PABPC1L: variants seen among roughly 807,000 people sequenced by gnomAD.
The protein encoded by PABPC1L is polyadenylate-binding protein 1-like.
Under a neutral mutation model 66.6 loss-of-function variants are expected in PABPC1L, and 31 were observed. The observed-to-expected ratio is 0.47, with a 90% confidence interval of 0.35 to 0.63. PABPC1L has a LOEUF of 0.63. PABPC1L is among the 20% of genes least tolerant of loss of function. The pLI is 0.00. For synonymous variants in PABPC1L, 348 were observed against 335.1 expected (o/e 1.04, Z -0.42); for missense variants, 722 against 848.8 (o/e 0.85, Z 1.86).
Position 44,937,176 on chromosome 20 carries a change from A to G in PABPC1L, c.1660+446A>G. The G allele has an allele frequency of 1.1e-5, 4 of 355,768 alleles. No homozygotes were observed. In the East Asian group the frequency reaches 2.2e-4, roughly 20 times the overall value. 22.0% of individuals were successfully genotyped at this position (355,768 alleles called of 1,614,324 possible). Reference sequence around the variant, plus strand: ...GGGCATCTGTGCGTTTGGTAAATACATGATGTTTCCCATAGATTCTGGATT... The same window carrying G: ...GGGCATCTGTGCGTTTGGTAAATACGTGATGTTTCCCATAGATTCTGGATT... On this transcript the variant is annotated intron_variant, in intron 12 of 14. Coordinates refer to ENST00000217073, the MANE Select transcript of PABPC1L (RefSeq NM_001372179.1).
rs11540856 is a variant in PABPC1L at position 44,939,164 on chromosome 20, G to C, written c.*45G>C. 771 of 718,086 alleles carry C rather than the reference G, an allele frequency of 1.1e-3. 12 individuals carry two copies. In the East Asian group the frequency reaches 0.015, roughly 14 times the overall value. The allele number at this position is 718,086 out of a possible 1,614,324, so 44.5% of individuals were successfully genotyped here. ...CGCTTCCATGGCTGCCAAAAGGACAGTGTTTCTGGCTCTCAGCCCTAAGGC... is the reference window on the plus strand; with the variant it reads ...CGCTTCCATGGCTGCCAAAAGGACACTGTTTCTGGCTCTCAGCCCTAAGGC... On this transcript the variant is annotated 3_prime_UTR_variant, in exon 15 of 15. Coordinates refer to ENST00000217073, the MANE Select transcript of PABPC1L (RefSeq NM_001372179.1).
intron 3 of PABPC1L, among the ~76,000 whole-genome samples, chr20:44,918,418 C>T (rs1415276812): frequency 1.3e-5 from 2 of 152,190 alleles, no homozygotes; most frequent in Non-Finnish European, 2.9e-5. Flanking sequence ...TTGACTGCGT[C>T]TAATTCACTT....
At position 44,935,778 on chromosome 20, in the gene PABPC1L, T is replaced by C. The variant is rs191426290; in HGVS notation, c.1566+281T>C. ...ACCAAGGAAAGGTATTCTAAGAATA[T>C]GCTGATTATTGAAGGGATGTACTTA... On this transcript the variant is annotated intron_variant, in intron 11 of 14. Transcript: ENST00000217073. 4.6e-5 allele frequency among the ~76,000 whole-genome samples: 7 copies of C among 152,336 alleles called. No individual in the cohort carries two copies. In the East Asian group the frequency reaches 1.3e-3, roughly 29 times the overall value.
At chr20:44,918,308 C>T (rs912199457) in intron 3 of PABPC1L, among the ~76,000 whole-genome samples, 2 of 152,066 alleles carry the variant, frequency 1.3e-5, no homozygotes, top group African/African-American at 2.4e-5. Context: ...CCAGCCTGGG[C>T]GATAGAGCGA....
At chr20:44,917,909 G>A (rs549532945) in intron 3 of PABPC1L, among the ~76,000 whole-genome samples, 1 of 152,102 alleles carries the variant, frequency 6.6e-6, no homozygotes, top group Non-Finnish European at 1.5e-5. Context: ...TTCAAATTTT[G>A]GTGCCTGGTA....
intron 5 of PABPC1L, 73 bp from the exon 6 acceptor site, chr20:44,921,521 G>T: frequency 6.3e-7 from 1 of 1,575,070 alleles, no homozygotes; most frequent in East Asian, 2.3e-5. Context: ...GGCCCCTCTA[G>T]ATCCAGAAGA....
intron 12 of PABPC1L, 35 bp from the exon 13 acceptor site, chr20:44,938,026 G>GC: frequency 6.2e-7 from 1 of 1,613,718 alleles, no homozygotes. Context: ...TGTGAGCTAG[G>GC]CCGTGCACAA....
intron 2 of PABPC1L, among the ~76,000 whole-genome samples, chr20:44,915,215 T>C (rs1045359591): frequency 2.0e-5 from 3 of 152,198 alleles, no homozygotes; most frequent in African/African-American, 7.2e-5. Flanking sequence ...TGAAGGGATG[T>C]GGTCAGAATT....
rs1247776627 is a variant in PABPC1L, at chr20:44,910,278, T to G, written c.135T>G (p.Asp45Glu). ...GPILSIRVCR[D>E]VATRRSLGYA... ...TCCTGTCCATCCGCGTGTGCCGCGA[T>G]GTAGCCACCCGGCGCTCGCTGGGCT... Residue 45 changes from aspartate (D) to glutamate (E), a missense_variant, in exon 1 of 15, where the codon GAT (aspartate) becomes GAG (glutamate). Asp to Glu is a conservative substitution (Grantham distance 45). Around this residue, in one of 3 missense-constraint regions of PABPC1L, gnomAD observed 284 missense variants for 294.8 expected, o/e 0.96. Coordinates refer to ENST00000217073, the MANE Select transcript of PABPC1L (RefSeq NM_001372179.1). 7.1e-6 allele frequency: 11 copies of G among 1,552,394 alleles called. No individual in the cohort carries two copies. Among genetic ancestry groups the G allele is most frequent in the Middle Eastern group, 1.7e-4 (1 of 5,964 alleles).
intron 10 of PABPC1L, 52 bp downstream of exon 10, chr20:44,933,237 G>C: frequency 6.8e-7 from 1 of 1,475,504 alleles, no homozygotes; most frequent in East Asian, 2.4e-5. Flanking sequence ...GTTGGCACTA[G>C]GAGTCAGGAC....
In PABPC1L at chr20:44,910,226, A is replaced by G. The variant is rs776758520; in HGVS notation, c.83A>G (p.Tyr28Cys). 2.5e-6 allele frequency: 4 copies of G among 1,576,524 alleles called. No individual in the cohort carries two copies. Among genetic ancestry groups the G allele is most frequent in the Non-Finnish European group, 2.6e-6 (3 of 1,161,300 alleles). ...CCCGACGTGACCGAGGCCATGCTCT[A>G]TGAGAAGTTCTCTCCCGCCGGCCCC... ...LHPDVTEAML[Y>C]EKFSPAGPIL... The change falls in exon 1 of 15, where the codon TAT becomes TGT. Residue 28 changes from tyrosine (Y) to cysteine (C), a missense_variant. Tyr to Cys is a radical substitution (Grantham distance 194). Transcript: ENST00000217073.
chr20:44,924,121 G>A, intron 6 of PABPC1L, 40 bp from the exon 7 acceptor site: 1 of 1,534,766 alleles, frequency 6.5e-7, no homozygotes. Context: ...TTGGGGCTTG[G>A]AGGAGAAGGG....
At chr20:44,921,539 G>A in intron 5 of PABPC1L, 55 bp from the exon 6 acceptor site, 1 of 1,594,130 alleles carries the variant, frequency 6.3e-7, no homozygotes, top group African/African-American at 1.3e-5. Context: ...AGATGAGCCT[G>A]GGCCAGGGCC....
intron 7 of PABPC1L, among the ~76,000 whole-genome samples, chr20:44,925,410 G>A (rs1397295253): frequency 1.3e-5 from 2 of 152,182 alleles, no homozygotes; most frequent in East Asian, 1.9e-4. Flanking sequence ...TATAAGATGG[G>A]GGACAGTATG....
Position 44,910,063 on chromosome 20 carries a change from G to A in PABPC1L, c.-81G>A, listed in dbSNP as rs2066691532. 7.9e-7 allele frequency: 1 copy of A among 1,271,898 alleles called. No individual in the cohort carries two copies. Among genetic ancestry groups the A allele is most frequent in the Non-Finnish European group, 1.1e-6 (1 of 936,788 alleles). The allele number at this position is 1,271,898 out of a possible 1,614,324, so 78.8% of individuals were successfully genotyped here. A position where few individuals can be genotyped will look rare whatever the true frequency, so the allele number is the denominator to read the frequency against. ...AAGGGGCGGGCCCGCGCCCAGGAAG[G>A]AGGGCTTCCGCCCGGGTGAGCGCGG... On this transcript the variant is annotated 5_prime_UTR_variant, in exon 1 of 15. Coordinates refer to ENST00000217073, the MANE Select transcript of PABPC1L (RefSeq NM_001372179.1).
At chr20:44,912,990 G>C in intron 2 of PABPC1L, 137 bp downstream of exon 2, 1 of 715,946 alleles carries the variant, frequency 1.4e-6, no homozygotes, top group East Asian at 2.7e-5. Context: ...GCACCTGAAT[G>C]ACAGCCGTTC....
intron 5 of PABPC1L, 26 bp downstream of exon 5, chr20:44,919,303 C>T: frequency 6.2e-7 from 1 of 1,611,702 alleles, no homozygotes; most frequent in Non-Finnish European, 8.5e-7. Flanking sequence ...TGGCTCTGTT[C>T]TGCAGCAGGG....
chr20:44,925,198 G>A (rs546886834), intron 7 of PABPC1L, among the ~76,000 whole-genome samples: 15 of 130,836 alleles, frequency 1.1e-4, no homozygotes, highest in East Asian at 2.6e-4. Flanking sequence ...GGGCAACAGC[G>A]AGACTCTGTC....
chr20:44,931,225 G>A (rs1221931226), intron 8 of PABPC1L, among the ~76,000 whole-genome samples: 2 of 151,314 alleles, frequency 1.3e-5, no homozygotes, highest in East Asian at 3.9e-4. Flanking sequence ...CACCCAGGCT[G>A]GAGAGCAATG....
Sources: allele counts gnomAD v4.1 joint callset (sites outside exome capture counted in the v4.1 genomes callset), GRCh38; gene constraint gnomAD v4.1.1; regional missense constraint gnomAD v4.1.1; transcripts MANE v1.5; gene names NCBI Gene and HGNC (gene_info 2026-07-23, HGNC 2026-07-21).